Variants in COL4A2 observed in about 807,000 individuals in gnomAD.
The protein encoded by COL4A2 is collagen type IV alpha 2 chain.
In COL4A2, 99 loss-of-function variants were observed where a neutral mutation model predicts 200.2. The observed-to-expected ratio is 0.49, with a 90% CI of 0.42 to 0.58. The LOEUF is 0.58. COL4A2 is among the 20% of genes least tolerant of loss of function. The pLI is 0.00. For missense variants in COL4A2, 1,950 were observed against 2,314.1 expected, an observed-to-expected ratio of 0.84 and a Z score of 3.23; for synonymous variants, 897 against 900.6, an observed-to-expected ratio of 1.00 and a Z score of 0.07.
intron 32 of COL4A2, 84 bp from the exon 33 acceptor site, chr13:110,484,821 A>G (rs1883056589): frequency 1.4e-6 from 2 of 1,468,046 alleles, no homozygotes; most frequent in African/African-American, 2.8e-5. Flanking sequence ...GTGCAGCCCT[A>G]TGGCTCAGGG....
chr13:110,446,223 C>T (rs904987453), intron 17 of COL4A2, among the ~76,000 whole-genome samples: 1 of 152,058 alleles, frequency 6.6e-6, no homozygotes, highest in East Asian at 1.9e-4. Context: ...GTGAGTAATT[C>T]CTGGGCTTGC....
chr13:110,311,856 C>G (rs561190378), intron 3 of COL4A2, among the ~76,000 whole-genome samples: 39 of 152,320 alleles, frequency 2.6e-4, no homozygotes, highest in African/African-American at 9.1e-4. Context: ...GGGGCCCCTG[C>G]CTGCCACCCT....
At chr13:110,422,537 G>A (rs931704331) in intron 4 of COL4A2, among the ~76,000 whole-genome samples, 1 of 152,216 alleles carries the variant, frequency 6.6e-6, no homozygotes, top group African/African-American at 2.4e-5. Context: ...GGTGAGTACT[G>A]ATGTGGCATT....
At position 110,449,351 on chromosome 13, in the gene COL4A2, G is replaced by C. The variant is rs1418066973; in HGVS notation, c.1079-328G>C. Among the ~76,000 whole-genome samples the C allele has an allele frequency of 3.3e-5, 5 of 152,206 alleles. No individual in the cohort carries two copies. The South Asian group carries it at 8.3e-4, about 25-fold the overall frequency. ...GAAGAGCCTAATAGGGTTAAAGCTG[G>C]GGCTGAGGGGCAGAGTGGGGTGCAG... On this transcript the variant is annotated intron_variant, in intron 18 of 47. Transcript: ENST00000360467.
At chr13:110,356,506 C>T (rs1013636775) in intron 3 of COL4A2, among the ~76,000 whole-genome samples, 2 of 152,192 alleles carry the variant, frequency 1.3e-5, no homozygotes, top group Non-Finnish European at 2.9e-5. Flanking sequence ...AGGGAGCCAC[C>T]GTTTGCACCG....
chr13:110,370,827 G>A (rs528002871), intron 4 of COL4A2, among the ~76,000 whole-genome samples: 11 of 152,290 alleles, frequency 7.2e-5, no homozygotes, highest in African/African-American at 2.6e-4. Context: ...TGACCAAAGA[G>A]GAGATTTCTA....
chr13:110,508,366 C>T lies in COL4A2; in HGVS notation c.4881+145C>T, dbSNP rs890954584. On this transcript the variant is annotated intron_variant, in intron 47 of 47. Coordinates refer to ENST00000360467, the MANE Select transcript of COL4A2 (RefSeq NM_001846.4). The surrounding 1 kb of genome is among the most constrained non-coding windows in gnomAD (Gnocchi z 6.1). ...AGTTGGCCCAGGAAGCGAGCGAGAG[C>T]TGGAACACAGCTTACACTTGGCTAA... 7.7e-6 allele frequency: 10 copies of T among 1,305,266 alleles called. No homozygotes were observed. Among genetic ancestry groups the T allele is most frequent in the Non-Finnish European group, 1.1e-5 (10 of 951,914 alleles). 80.9% of individuals were successfully genotyped at this position (1,305,266 alleles called of 1,614,324 possible).
At chr13:110,426,995 C>T (rs1157600822) in intron 6 of COL4A2, among the ~76,000 whole-genome samples, 1 of 152,204 alleles carries the variant, frequency 6.6e-6, no homozygotes, top group Non-Finnish European at 1.5e-5. Flanking sequence ...TGTTGGATCT[C>T]TCATCTGACG....
intron 29 of COL4A2, among the ~76,000 whole-genome samples, chr13:110,477,058 G>A (rs1404985705): frequency 6.6e-6 from 1 of 152,128 alleles, no homozygotes; most frequent in African/African-American, 2.4e-5. Flanking sequence ...AGGAAAATAG[G>A]AGCAAAGAGG....
intron 3 of COL4A2, among the ~76,000 whole-genome samples, chr13:110,310,662 T>C (rs1276427233): frequency 1.3e-5 from 2 of 152,124 alleles, no homozygotes; most frequent in Non-Finnish European, 1.5e-5. Flanking sequence ...TTTTTCTTAA[T>C]TGTGGCAAGG....
intron 40 of COL4A2, 22 bp downstream of exon 40, chr13:110,495,489 C>A: frequency 6.2e-7 from 1 of 1,607,354 alleles, no homozygotes; most frequent in South Asian, 1.1e-5. Context: ...CATTCCAAGC[C>A]AACATTGCCG....
intron 11 of COL4A2, among the ~76,000 whole-genome samples, chr13:110,433,722 T>C (rs1880769090): frequency 6.6e-6 from 1 of 152,224 alleles, no homozygotes; most frequent in African/African-American, 2.4e-5. Flanking sequence ...AAGAGGACAG[T>C]GCCCGTGATG....
rs1158024856 is a variant in COL4A2, at chr13:110,465,533, T to G, written c.1905T>G (p.Pro635=). 6.2e-7 allele frequency: 1 copy of G among 1,614,028 alleles called. No individual in the cohort carries two copies. Among genetic ancestry groups the G allele is most frequent in the Non-Finnish European group, 8.5e-7 (1 of 1,180,008 alleles). Residue 635 remains proline, a synonymous_variant, in exon 25 of 48, where the codon CCT becomes CCG. Transcript: ENST00000360467. ...GCCTCAAAGGCCAACGTGGTTTCCC[T>G]GGAGACGCCGGCTTACCTGGACCAC... ...LPGLKGQRGF[P]GDAGLPGPPG... is the part of the protein sequence containing the mutation.
chr13:110,450,273 T>C, intron 19 of COL4A2, 32 bp from the exon 20 acceptor site: 1 of 1,600,236 alleles, frequency 6.2e-7, no homozygotes. Context: ...TATGGGAGAC[T>C]CACGCTGCAG....
rs11616554 is a variant in COL4A2 at position 110,474,844 on chromosome 13, T to C, written c.2425+1694T>C. Among the ~76,000 whole-genome samples, 333 of 63,584 alleles carry C rather than the reference T, an allele frequency of 5.2e-3. 2 individuals are homozygous for C. Among genetic ancestry groups the C allele is most frequent in the South Asian group, 7.3e-3 (14 of 1,930 alleles). 41.7% of individuals were successfully genotyped at this position (63,584 alleles called of 152,430 possible). On this transcript the variant is annotated intron_variant, in intron 29 of 47. Transcript: ENST00000360467. ...ACGTACCCACACACGTGCCTGTGCA[T>C]GCTCAAACATGATCACACACTCCAT...
chr13:110,354,872 G>C (rs1425006932), intron 3 of COL4A2, among the ~76,000 whole-genome samples: 3 of 152,182 alleles, frequency 2.0e-5, no homozygotes, highest in Non-Finnish European at 4.4e-5. Context: ...TGGACTATCT[G>C]GAAGACCCTG....
chr13:110,307,890 G>A lies in COL4A2; in HGVS notation c.-14G>A. On this transcript the variant is annotated 5_prime_UTR_variant, in exon 2 of 48. Transcript: ENST00000360467. This position sits in a 1 kb window ranked among gnomAD's most constrained non-coding sequence, Gnocchi z 5.0. The stretch of plus-strand genomic sequence containing the variant: ...GTGGGACTGACCGGGGCCCAGAGTG[G>A]ACGAACCGCCAGCATGGGGAGAGAC... The A allele has an allele frequency of 6.2e-7, 1 of 1,611,376 alleles. No homozygotes were observed. The highest frequency in any genetic ancestry group is 2.2e-5 in the East Asian group (1 of 44,828).
At position 110,508,190 on chromosome 13, in the gene COL4A2, G is replaced by A. The variant is rs748967769; in HGVS notation, c.4850G>A (p.Arg1617Gln). The change falls in exon 47 of 48, where the codon CGG becomes CAG. Residue 1617 changes from arginine to glutamine, a missense_variant. Transcript: ENST00000360467. This position sits in a 1 kb window ranked among gnomAD's most constrained non-coding sequence, Gnocchi z 6.1. ...ATCCCACACTGCCCAGCTGGGTGGCGGAGTTTGTGGATCGGATATTCCTTC... is the reference window on the plus strand; with the variant it reads ...ATCCCACACTGCCCAGCTGGGTGGCAGAGTTTGTGGATCGGATATTCCTTC... ...VSIPHCPAGW[R>Q]SLWIGYSFLM... The A allele has an allele frequency of 8.1e-6, 13 of 1,614,106 alleles. No individual in the cohort carries two copies. Among genetic ancestry groups the A allele is most frequent in the Admixed American group, 3.3e-5 (2 of 60,014 alleles).
chr13:110,501,802 A>G lies in COL4A2; in HGVS notation c.3877+18A>G, dbSNP rs1264803339. 6.2e-6 allele frequency: 10 copies of G among 1,609,486 alleles called. No individual in the cohort carries two copies. Among genetic ancestry groups the G allele is most frequent in the Non-Finnish European group, 8.5e-6 (10 of 1,176,822 alleles). On this transcript the variant is annotated intron_variant, in intron 41 of 47. Coordinates refer to ENST00000360467, the MANE Select transcript of COL4A2 (RefSeq NM_001846.4). ...CCTGAAAGGTAAGCAGGACTTATAC[A>G]TCTGTGCTTCGACATCTCTAGGGGC...
Sources: gnomAD v4.1 joint callset for allele counts (sites outside exome capture counted in the v4.1 genomes callset) on GRCh38, gnomAD v4.1.1 for gene constraint, Gnocchi (gnomAD v3.1) non-coding constraint, MANE v1.5 for transcripts, NCBI Gene and HGNC (gene_info 2026-07-23, HGNC 2026-07-21) for gene names.